Variants in DNAH17 observed in about 807,000 individuals in gnomAD.
DNAH17 encodes the protein axonemal beta dynein heavy chain 17.
A neutral mutation model predicts 485.6 loss-of-function variants in DNAH17; 376 were observed. The ratio of observed to expected loss-of-function variants is 0.77; its 90% CI spans 0.71 to 0.84. The LOEUF (loss-of-function observed/expected upper bound fraction) is 0.84. Ranked by LOEUF, DNAH17 falls within the 40% of genes least tolerant of loss-of-function variation. The probability of loss-of-function intolerance (pLI) is 0.00; values close to 1 mark genes in which losing one functional copy is unlikely to be tolerated. For synonymous variants in DNAH17, 3,031 were observed against 2,405.9 expected (o/e 1.26, Z -7.60); for missense variants, 6,370 against 5,839.3 (o/e 1.09, Z -2.96).
At chr17:78,562,255 G>C (rs577733558) in intron 11 of DNAH17, among the ~76,000 whole-genome samples, 14 of 152,112 alleles carry the variant, frequency 9.2e-5, no homozygotes, top group African/African-American at 2.7e-4. Flanking sequence ...TCTAAGCCTA[G>C]GAAAAATCAG....
At chr17:78,548,703 A>G (rs1461190728) in intron 16 of DNAH17, among the ~76,000 whole-genome samples, 1 of 152,214 alleles carries the variant, frequency 6.6e-6, no homozygotes, top group Non-Finnish European at 1.5e-5. Flanking sequence ...ACAAACTCCA[A>G]ACAGGAATTG....
At position 78,567,856 on chromosome 17, in the gene DNAH17, A is replaced by T. The variant is rs78227617; in HGVS notation, c.1285-690T>A. Among the ~76,000 whole-genome samples, 377 of 152,100 alleles carry T rather than the reference A, an allele frequency of 2.5e-3. 2 individuals carry two copies. Among genetic ancestry groups the T allele is most frequent in the South Asian group, 0.023 (109 of 4,814 alleles). On this transcript the variant is annotated intron_variant, in intron 9 of 80. Transcript: ENST00000389840. ...GTGTGTGTGCAGTTCCTGTTTCCCA[A>T]ATGAGGTCTCCAAGGCTCCCTGGAT...
At chr17:78,505,008 C>T (rs145999779) in intron 31 of DNAH17, among the ~76,000 whole-genome samples, 2 of 142,728 alleles carry the variant, frequency 1.4e-5, no homozygotes, top group South Asian at 2.2e-4. Context: ...CGGGTTCAAG[C>T]GATTCTCCTG....
rs61747155 is a variant in DNAH17 at position 78,569,185 on chromosome 17, T to C, written c.1265A>G (p.Gln422Arg). The C allele has an allele frequency of 2.6e-3, 4,149 of 1,606,158 alleles. 103 individuals carry two copies. The African/African-American group carries it at 0.049, about 19-fold the overall frequency. The change falls in exon 9 of 81, where the codon CAG (glutamine) becomes CGG (arginine). Residue 422 changes from glutamine to arginine, a missense_variant. By Grantham distance (43) the Gln-to-Arg change is conservative. Transcript: ENST00000389840. ...TTTTACCTCAATGGTCTGGATGCGC[T>C]GGAAGAAGGAATTTATCCTGGAAAA... is the stretch of plus-strand genomic sequence containing the variant. ...LAFSRINSFF[Q>R]RIQTIEELYK... is the part of the protein sequence containing the mutation.
At chr17:78,576,291 T>C (rs2092431549) in intron 1 of DNAH17, among the ~76,000 whole-genome samples, 1 of 152,158 alleles carries the variant, frequency 6.6e-6, no homozygotes, top group African/African-American at 2.4e-5. Flanking sequence ...AACAACTATA[T>C]GATGGGAAGC....
At chr17:78,435,627 C>G (rs950443884) in intron 74 of DNAH17, among the ~76,000 whole-genome samples, 1 of 152,208 alleles carries the variant, frequency 6.6e-6, no homozygotes, top group African/African-American at 2.4e-5. Flanking sequence ...TACAATAAAA[C>G]GAAACACCAA....
At chr17:78,568,752 T>C (rs1219933110) in intron 9 of DNAH17, among the ~76,000 whole-genome samples, 1 of 152,214 alleles carries the variant, frequency 6.6e-6, no homozygotes, top group Non-Finnish European at 1.5e-5. Context: ...GGCTGGGCCA[T>C]GCACCATTTT....
At chr17:78,454,808 T>G in intron 63 of DNAH17, 103 bp from the exon 64 acceptor site, 1 of 1,039,490 alleles carries the variant, frequency 9.6e-7, no homozygotes, top group Non-Finnish European at 1.4e-6. Flanking sequence ...CGGTTAGGGG[T>G]GGACCAGCAG....
chr17:78,450,958 G>A (rs2087523067), intron 66 of DNAH17, 112 bp from the exon 67 acceptor site: 2 of 1,374,148 alleles, frequency 1.5e-6, no homozygotes, highest in Non-Finnish European at 2.0e-6. Context: ...TGAGCGGGAG[G>A]AACGAGCTCA....
At position 78,537,399 on chromosome 17, in the gene DNAH17, G is replaced by A. The variant is rs1260376955; in HGVS notation, c.2759C>T (p.Ser920Leu). ...GATCAGTGCCAGGAAGCCGCGATCTGAGCCCACCTCCAGGGTCGGGTTGAA... is the reference window on the plus strand; with the variant it reads ...GATCAGTGCCAGGAAGCCGCGATCTAAGCCCACCTCCAGGGTCGGGTTGAA... ...LTFNPTLEVG[S>L]DRGFLALIEG... The change falls in exon 19 of 81, where the codon TCA (serine) becomes TTA (leucine). Residue 920 changes from serine to leucine, a missense_variant. Coordinates refer to ENST00000389840, the MANE Select transcript of DNAH17 (RefSeq NM_173628.4). 1.2e-6 allele frequency: 2 copies of A among 1,613,302 alleles called. No homozygotes were observed. Among genetic ancestry groups the A allele is most frequent in the Non-Finnish European group, 1.7e-6 (2 of 1,179,796 alleles).
Position 78,494,987 on chromosome 17 carries a change from G to C in DNAH17, c.6014C>G (p.Thr2005Ser), listed in dbSNP as rs776936600. The change falls in exon 39 of 81, where the codon ACC becomes AGC. Residue 2005 changes from threonine to serine, a missense_variant. By Grantham distance (58) the Thr-to-Ser change is moderately conservative. Transcript: ENST00000389840. The stretch of plus-strand genomic sequence containing the variant: ...CTTCGAGAGCAGCTCCTTGCACAAG[G>C]TGTACAGGGTGATGAACTTCCTGGC... The part of the protein sequence containing the change: ...LLARKFITLY[T>S]LCKELLSKQD... 1.5e-5 allele frequency: 24 copies of C among 1,613,212 alleles called. No homozygotes were observed. Among genetic ancestry groups the C allele is most frequent in the Non-Finnish European group, 1.9e-5 (22 of 1,179,648 alleles).
intron 54 of DNAH17, among the ~76,000 whole-genome samples, chr17:78,470,799 C>G (rs911929314): frequency 6.6e-6 from 1 of 152,182 alleles, no homozygotes; most frequent in African/African-American, 2.4e-5. Context: ...AAAAGAGGCC[C>G]TGAATAAATA....
intron 20 of DNAH17, 23 bp from the exon 21 acceptor site, chr17:78,530,535 G>A: frequency 6.3e-7 from 1 of 1,584,106 alleles, no homozygotes; most frequent in South Asian, 1.1e-5. Flanking sequence ...GCCACCGGCG[G>A]CCTGTCATAG....
intron 55 of DNAH17, 147 bp downstream of exon 55, chr17:78,468,470 C>T: frequency 5.5e-6 from 6 of 1,094,768 alleles, no homozygotes; most frequent in African/African-American, 1.6e-5. Flanking sequence ...GTTCATCAGA[C>T]AGCCCCACCC....
In DNAH17 at chr17:78,434,209, C is replaced by T. The variant is rs1281903882; in HGVS notation, c.12045G>A (p.Glu4015=). 6.2e-7 allele frequency: 1 copy of T among 1,607,544 alleles called. No individual in the cohort carries two copies. ...ALDLFTQDTL[E]MCTKEMEFKC... ...TGAACTCCATCTCCTTGGTGCACAT[C>T]TCCAGGGTGTCCTGTGGGGCACACG... Residue 4015 remains glutamate (E), a synonymous_variant, in exon 75 of 81, where the codon GAG becomes GAA. Coordinates refer to ENST00000389840, the MANE Select transcript of DNAH17 (RefSeq NM_173628.4).
chr17:78,439,763 G>A (rs971311745), intron 72 of DNAH17, among the ~76,000 whole-genome samples: 7 of 138,638 alleles, frequency 5.0e-5, no homozygotes, highest in Non-Finnish European at 1.1e-4. Context: ...TCCACCTCCC[G>A]GGTTCAAGTG....
chr17:78,537,611 G>A (rs940940638), intron 18 of DNAH17, 130 bp from the exon 19 acceptor site: 70 of 1,107,182 alleles, frequency 6.3e-5, no homozygotes, highest in Non-Finnish European at 8.6e-5. Context: ...GCTTCTGAGA[G>A]CTCGTGTCTC....
In DNAH17 at chr17:78,575,063, C is replaced by A; in HGVS notation, c.-6G>T. The A allele has an allele frequency of 6.2e-7, 1 of 1,608,428 alleles. No homozygotes were observed. The highest frequency in any genetic ancestry group is 1.1e-5 in the South Asian group (1 of 90,134). On this transcript the variant is annotated 5_prime_UTR_variant, in exon 2 of 81. Coordinates refer to ENST00000389840, the MANE Select transcript of DNAH17 (RefSeq NM_173628.4). ...ACGTCCGGGGCCATTGTCATCTTGG[C>A]CTTTCCTTACACTGTGTATCTGTTA...
intron 25 of DNAH17, among the ~76,000 whole-genome samples, chr17:78,521,980 C>G (rs536457717): frequency 6.6e-6 from 1 of 152,202 alleles, no homozygotes; most frequent in South Asian, 2.1e-4. Flanking sequence ...AGTGAGACTC[C>G]GCCTCAAAAC....
Sources: allele counts gnomAD v4.1 joint callset (sites outside exome capture counted in the v4.1 genomes callset), GRCh38; gene constraint gnomAD v4.1.1; transcripts MANE v1.5; gene names NCBI Gene and HGNC (gene_info 2026-07-23, HGNC 2026-07-21).